The following CREB5 variants were observed in gnomAD, a reference collection of about 807,000 sequenced individuals.
CREB5 encodes the protein cAMP responsive element binding protein 5.
Under a neutral mutation model 57.1 loss-of-function variants are expected in CREB5, and 19 were observed. The observed-to-expected ratio is 0.33, with a 90% CI of 0.23 to 0.49. The LOEUF is 0.49. Among genes scored for constraint, CREB5 ranks in the 20% least tolerant of loss-of-function variants. The pLI, the probability that CREB5 is intolerant of heterozygous loss-of-function variation, is 0.99. For missense variants in CREB5, 579 were observed against 671.6 expected (o/e 0.86, Z 1.52); for synonymous variants, 238 against 238.3 (o/e 1.00, Z 0.01).
chr7:28,717,595 A>C (rs534873549), intron 5 of CREB5, among the ~76,000 whole-genome samples: 14 of 152,162 alleles, frequency 9.2e-5, no homozygotes, highest in Non-Finnish European at 2.1e-4. Context: ...CTTCTCAAGC[A>C]CAGGAAAGTA....
In CREB5 at chr7:28,795,760, T is replaced by TG. The variant is rs1167775387; in HGVS notation, c.703-8439_703-8438insG. 7.9e-5 allele frequency among the ~76,000 whole-genome samples: 12 copies of TG among 151,136 alleles called. No individual in the cohort carries two copies. The East Asian group carries it at 1.2e-3, about 15-fold the overall frequency. On this transcript the variant is annotated intron_variant, in intron 7 of 10. Transcript: ENST00000357727. ...AAAATTAACTGTTTTTCTTTCTTTT[T>TG]TTTTTTTTTTGAGACAGTATCTTGC...
rs199561235 is a variant in CREB5, at chr7:28,306,541, G to GTTTTTTTTTTTT, written c.-25+7104_-25+7105insTTTTTTTTTTTT. On this transcript the variant is annotated intron_variant, in intron 1 of 9. Coordinates refer to the CREB5 transcript ENST00000396299. ...ACTGGTGCCAGTACATACAGATACA[G>GTTTTTTTTTTTT]TTTTGTTTTTTTTGTTTTTTTTTTT... Among the ~76,000 whole-genome samples the GTTTTTTTTTTTT allele has an allele frequency of 5.4e-4, 24 of 44,458 alleles. 7 individuals carry two copies. The highest frequency in any genetic ancestry group is 1.6e-3 in the African/African-American group (21 of 12,928). 29.2% of individuals were successfully genotyped at this position (44,458 alleles called of 152,430 possible).
intron 1 of CREB5, among the ~76,000 whole-genome samples, chr7:28,433,747 T>G (rs982104453): frequency 6.6e-6 from 1 of 152,062 alleles, no homozygotes; most frequent in Non-Finnish European, 1.5e-5. Context: ...AAAATTTCTT[T>G]TGGTTCTTCA....
At chr7:28,395,866 G>T (rs947483015) in intron 1 of CREB5, among the ~76,000 whole-genome samples, 7 of 151,970 alleles carry the variant, frequency 4.6e-5, no homozygotes, top group African/African-American at 7.3e-5. Context: ...GGAAAAGAAG[G>T]GGTGGGCTGG....
At chr7:28,700,397 T>C (rs180804876) in intron 5 of CREB5, among the ~76,000 whole-genome samples, 1 of 152,308 alleles carries the variant, frequency 6.6e-6, no homozygotes, top group East Asian at 1.9e-4. Context: ...CTGACTTCCT[T>C]GGCTATTTGC....
chr7:28,791,254 A>G (rs1469397071), intron 7 of CREB5, among the ~76,000 whole-genome samples: 1 of 152,246 alleles, frequency 6.6e-6, no homozygotes, highest in Non-Finnish European at 1.5e-5. Context: ...TTATCATTAT[A>G]CATTTATAAA....
chr7:28,344,288 C>T (rs1785994952), intron 1 of CREB5, among the ~76,000 whole-genome samples: 1 of 152,098 alleles, frequency 6.6e-6, no homozygotes, highest in African/African-American at 2.4e-5. Flanking sequence ...TTGAGTCTTA[C>T]ATTTAACACT....
At chr7:28,813,126 G>C (rs1451804085) in intron 9 of CREB5, among the ~76,000 whole-genome samples, 2 of 152,190 alleles carry the variant, frequency 1.3e-5, no homozygotes, top group African/African-American at 4.8e-5. Context: ...CTGAGGTTAG[G>C]GAAATGGGGG....
intron 10 of CREB5, 71 bp from the exon 11 acceptor site, chr7:28,819,045 C>A: frequency 6.6e-7 from 1 of 1,504,164 alleles, no homozygotes; most frequent in Non-Finnish European, 9.0e-7. Context: ...GAGGAGTCCA[C>A]AAGTCCATAC....
chr7:28,628,819 GAGA>G (rs1285072145), intron 5 of CREB5, among the ~76,000 whole-genome samples: 1 of 152,196 alleles, frequency 6.6e-6, no homozygotes, highest in African/African-American at 2.4e-5. Flanking sequence ...GCTAATAGTT[GAGA>G]AGAAGAAAGA....
chr7:28,794,472 G>A (rs908828762), intron 7 of CREB5, among the ~76,000 whole-genome samples: 3 of 152,166 alleles, frequency 2.0e-5, no homozygotes, highest in African/African-American at 7.2e-5. Context: ...TGTGCATTTA[G>A]TGACTTTAAA....
At chr7:28,643,015 C>T (rs1272172653) in intron 5 of CREB5, among the ~76,000 whole-genome samples, 5 of 145,056 alleles carry the variant, frequency 3.4e-5, no homozygotes, top group Admixed American at 7.1e-5. Flanking sequence ...CACACACACA[C>T]ACACACACAC....
intron 4 of CREB5, among the ~76,000 whole-genome samples, chr7:28,530,660 C>T (rs1232855562): frequency 1.3e-5 from 2 of 152,154 alleles, no homozygotes; most frequent in Non-Finnish European, 2.9e-5. Context: ...AAAACTTTAC[C>T]CTGGCTTTTC....
At chr7:28,345,865 C>T (rs953996289) in intron 1 of CREB5, among the ~76,000 whole-genome samples, 5 of 152,074 alleles carry the variant, frequency 3.3e-5, no homozygotes, top group Admixed American at 6.6e-5. Context: ...ACAGGGAGTG[C>T]TGGTGATGAG....
intron 5 of CREB5, among the ~76,000 whole-genome samples, chr7:28,669,530 G>GA (rs1205884157): frequency 6.6e-6 from 1 of 152,202 alleles, no homozygotes; most frequent in Non-Finnish European, 1.5e-5. Flanking sequence ...ACCATGAGGG[G>GA]AAGCTGGTGG....
chr7:28,643,558 C>G (rs749556004), intron 5 of CREB5, among the ~76,000 whole-genome samples: 10 of 152,144 alleles, frequency 6.6e-5, no homozygotes, highest in Admixed American at 3.9e-4. Flanking sequence ...TTTAAGTCCT[C>G]CCTATCCTGT....
intron 4 of CREB5, among the ~76,000 whole-genome samples, chr7:28,543,851 C>A (rs1583602939): frequency 6.6e-6 from 1 of 151,492 alleles, no homozygotes. Flanking sequence ...CACTCTGGAC[C>A]AGGTGCCTGG....
chr7:28,320,438 A>G (rs979131125), intron 1 of CREB5, among the ~76,000 whole-genome samples: 3 of 152,190 alleles, frequency 2.0e-5, no homozygotes, highest in South Asian at 2.1e-4. Context: ...AGAAACACCT[A>G]TAAGAACATG....
chr7:28,764,908 A>G (rs1402879427), intron 7 of CREB5, among the ~76,000 whole-genome samples: 21 of 152,202 alleles, frequency 1.4e-4, no homozygotes, highest in Non-Finnish European at 1.5e-5. Flanking sequence ...TAGTAACTTC[A>G]GTGTCTTAGG....
Sources: allele counts gnomAD v4.1 joint callset (sites outside exome capture counted in the v4.1 genomes callset), GRCh38; gene constraint gnomAD v4.1.1; transcripts MANE v1.5; gene names NCBI Gene and HGNC (gene_info 2026-07-23, HGNC 2026-07-21).